The following KIDINS220 variants were observed in gnomAD, a reference collection of about 807,000 sequenced individuals.
KIDINS220 encodes the protein kinase D interacting substrate 220, also known as kinase D-interacting substrate of 220 kDa.
In KIDINS220, 63 loss-of-function variants were observed where a neutral mutation model predicts 157.6. The observed-to-expected ratio is 0.40, with a 90% CI of 0.33 to 0.49. The LOEUF (loss-of-function observed/expected upper bound fraction) is 0.49, where lower values mean the gene tolerates loss of function less well. Ranked by LOEUF, KIDINS220 falls within the 20% of genes least tolerant of loss-of-function variation. KIDINS220 has a pLI of 0.66. For synonymous variants in KIDINS220, 732 were observed against 783.6 expected (o/e 0.93, Z 1.10); for missense variants, 1,772 against 2,171.2 (o/e 0.82, Z 3.65).
Position 8,730,956 on chromosome 2 carries a change from T to C in KIDINS220, c.5080A>G (p.Arg1694Gly), listed in dbSNP as rs1663980191. The C allele has an allele frequency of 1.2e-6, 2 of 1,614,258 alleles. No individual in the cohort carries two copies. The highest frequency in any genetic ancestry group is 1.3e-5 in the African/African-American group (1 of 75,072). ...ATCTCATCGAAATTTTGATTGGCTC[T>C]GTTGGCTGGAGCACTATTGTTGTTC... ...TLNNNSAPAN[R>G]ANQNFDEMEG... Residue 1694 changes from arginine (R) to glycine (G), a missense_variant, in exon 30 of 30, where the codon AGA becomes GGA. Arg to Gly is a moderately radical substitution (Grantham distance 125). Transcript: ENST00000256707.
At chr2:8,825,412 C>A (rs113280038) in intron 2 of KIDINS220, among the ~76,000 whole-genome samples, 4,533 of 122,008 alleles carry the variant, frequency 0.037, 250 homozygotes, top group African/African-American at 0.13. Flanking sequence ...TATTGCCCAA[C>A]AATGGAGAAA....
intron 12 of KIDINS220, among the ~76,000 whole-genome samples, chr2:8,792,608 CAA>C (rs1673355225): frequency 6.6e-6 from 1 of 152,100 alleles, no homozygotes; most frequent in African/African-American, 2.4e-5. Context: ...ATCTGATTAG[CAA>C]AGAGTAAGAG....
chr2:8,753,170 C>A (rs1667584658), intron 22 of KIDINS220, among the ~76,000 whole-genome samples: 1 of 151,850 alleles, frequency 6.6e-6, no homozygotes, highest in Non-Finnish European at 1.5e-5. Context: ...TGTCCACTAA[C>A]AGATGGAAGG....
intron 15 of KIDINS220, 45 bp downstream of exon 15, chr2:8,788,602 T>C: frequency 5.7e-6 from 9 of 1,574,132 alleles, no homozygotes; most frequent in Non-Finnish European, 7.8e-6. Flanking sequence ...AATATTTTTT[T>C]CTGAATCTCA....
At chr2:8,828,058 G>C (rs1679078101) in intron 1 of KIDINS220, among the ~76,000 whole-genome samples, 1 of 152,046 alleles carries the variant, frequency 6.6e-6, no homozygotes, top group Non-Finnish European at 1.5e-5. Context: ...GGGCTTCTCG[G>C]GGTGCTCAAA....
downstream of KIDINS220, chr2:8,725,553 C>T (rs1319438576): frequency 6.6e-6 from 1 of 152,158 alleles, no homozygotes; most frequent in Non-Finnish European, 1.5e-5. Flanking sequence ...GTCTTCTTCA[C>T]CCCCTTATTA....
intron 22 of KIDINS220, among the ~76,000 whole-genome samples, chr2:8,760,009 C>G (rs951830980): frequency 5.9e-5 from 9 of 152,204 alleles, no homozygotes; most frequent in African/African-American, 2.2e-4. Context: ...CTCCTGACTG[C>G]TTCAAAAGCT....
At position 8,729,084 on chromosome 2, in the gene KIDINS220, T is replaced by C. The variant is rs1318627523; in HGVS notation, c.*1636A>G. 3 of 983,270 alleles carry C rather than the reference T, an allele frequency of 3.1e-6. No individual in the cohort carries two copies. Among genetic ancestry groups the C allele is most frequent in the East Asian group, 1.1e-4 (1 of 8,812 alleles). The allele number at this position is 983,270 out of a possible 1,614,324, so 60.9% of individuals were successfully genotyped here. On this transcript the variant is annotated 3_prime_UTR_variant, in exon 30 of 30. Transcript: ENST00000256707. ...TTGTCTCTGAAATAATTCCTAATTA[T>C]ACAATTTTGCAAATAAGCACTATAA...
chr2:8,752,030 G>A (rs114899737), intron 22 of KIDINS220, among the ~76,000 whole-genome samples: 2,899 of 151,726 alleles, frequency 0.019, 101 homozygotes, highest in African/African-American at 0.068. Context: ...AATTTTTAGG[G>A]TTTTTTTTGA....
At chr2:8,740,491 C>T (rs1257955257) in intron 26 of KIDINS220, among the ~76,000 whole-genome samples, 1 of 152,136 alleles carries the variant, frequency 6.6e-6, no homozygotes, top group African/African-American at 2.4e-5. Flanking sequence ...AAATGAGGTA[C>T]ATCAGATTGG....
chr2:8,810,700 C>T (rs564914291), intron 6 of KIDINS220, among the ~76,000 whole-genome samples: 3 of 152,094 alleles, frequency 2.0e-5, no homozygotes, highest in Admixed American at 6.5e-5. Context: ...ACAGGAGAAT[C>T]GCTTGAACCC....
intron 26 of KIDINS220, among the ~76,000 whole-genome samples, chr2:8,743,421 T>C (rs1488625880): frequency 1.3e-5 from 2 of 152,128 alleles, no homozygotes; most frequent in South Asian, 4.2e-4. Flanking sequence ...GTAGTAATAA[T>C]AATAATGAAG....
chr2:8,764,004 G>A lies in KIDINS220; in HGVS notation c.3011+6666C>T, dbSNP rs144869219. Among the ~76,000 whole-genome samples, 1,077 of 152,316 alleles carry A rather than the reference G, an allele frequency of 7.1e-3. 5 individuals carry two copies. The highest frequency in any genetic ancestry group is 9.7e-3 in the Non-Finnish European group (658 of 68,022). On this transcript the variant is annotated intron_variant, in intron 22 of 29. Coordinates refer to ENST00000256707, the MANE Select transcript of KIDINS220 (RefSeq NM_020738.4). The stretch of plus-strand genomic sequence containing the variant: ...TGTGGAACCAACCTAAGTACCCACT[G>A]ACTAATGAGTGGATAAAGAAAATGT...
chr2:8,775,441 A>T (rs1670837351), intron 21 of KIDINS220, among the ~76,000 whole-genome samples: 1 of 152,202 alleles, frequency 6.6e-6, no homozygotes. Context: ...GCGCAAAAGG[A>T]GGAAATCCAG....
chr2:8,789,808 A>C, intron 14 of KIDINS220, 72 bp downstream of exon 14: 1 of 1,164,718 alleles, frequency 8.6e-7, no homozygotes, highest in South Asian at 1.5e-5. Flanking sequence ...CAGATAAAGA[A>C]AATGTTTTTT....
In KIDINS220 at chr2:8,803,106, C is replaced by A; in HGVS notation, c.625G>T (p.Val209Leu). 1 of 1,610,570 alleles carries A rather than the reference C, an allele frequency of 6.2e-7. No homozygotes were observed. The highest frequency in any genetic ancestry group is 8.5e-7 in the Non-Finnish European group (1 of 1,179,498). ...EGANSMTALI[V>L]AVKGGYTQSV... ...TGTGTGTAACCTCCTTTCACTGCCACAATAAGTGCAGTCATTGAATTCTAA... is the reference window on the plus strand; with the variant it reads ...TGTGTGTAACCTCCTTTCACTGCCAAAATAAGTGCAGTCATTGAATTCTAA... The change falls in exon 8 of 30, where the codon GTG becomes TTG. Residue 209 changes from valine (V) to leucine (L), a missense_variant. Physicochemically the swap from Val to Leu is conservative, Grantham distance 32. Coordinates refer to ENST00000256707, the MANE Select transcript of KIDINS220 (RefSeq NM_020738.4).
chr2:8,728,719 G>T, downstream of KIDINS220: 1 of 311,872 alleles, frequency 3.2e-6, no homozygotes, highest in Non-Finnish European at 4.7e-6. Context: ...GCTTCATAAA[G>T]CACCACTGAG....
At chr2:8,755,048 C>G (rs1421779603) in intron 22 of KIDINS220, among the ~76,000 whole-genome samples, 3 of 152,198 alleles carry the variant, frequency 2.0e-5, no homozygotes, top group Admixed American at 2.0e-4. Context: ...TTTGGAGATT[C>G]TGGGAGACAG....
At chr2:8,757,535 A>G in intron 22 of KIDINS220, 2 of 1,454,696 alleles carry the variant, frequency 1.4e-6, no homozygotes, top group South Asian at 2.8e-5. Context: ...TAATGTTTCA[A>G]CTACCCATTC....
Sources: gnomAD v4.1 joint callset for allele counts (sites outside exome capture counted in the v4.1 genomes callset) on GRCh38, gnomAD v4.1.1 for gene constraint, MANE v1.5 for transcripts, NCBI Gene and HGNC (gene_info 2026-07-23, HGNC 2026-07-21) for gene names.